Variants in MAP2K2 observed in about 807,000 individuals in gnomAD.
MAP2K2 encodes the protein dual specificity mitogen-activated protein kinase kinase 2.
A neutral mutation model predicts 43.7 loss-of-function variants in MAP2K2; 24 were observed. The ratio of observed to expected loss-of-function variants is 0.55; its 90% CI spans 0.40 to 0.77. The LOEUF (loss-of-function observed/expected upper bound fraction) is 0.77, where lower values mean the gene tolerates loss of function less well. Among genes scored for constraint, MAP2K2 ranks in the 30% least tolerant of loss-of-function variants. The pLI, the probability that MAP2K2 is intolerant of heterozygous loss-of-function variation, is 0.00. For missense variants in MAP2K2, 470 were observed against 566.8 expected, an observed-to-expected ratio of 0.83 and a Z score of 1.73; for synonymous variants, 244 against 239.7, an observed-to-expected ratio of 1.02 and a Z score of -0.17.
In MAP2K2 at chr19:4,114,059, G is replaced by A. The variant is rs563416904; in HGVS notation, c.303+3360C>T. ...TGTAATTCCAGTGCTTTGGGAGGCT[G>A]AGGCGGGAGGATCGCTTCAGGCCAG... On this transcript the variant is annotated intron_variant, in intron 2 of 10. Transcript: ENST00000262948. 2.6e-5 allele frequency among the ~76,000 whole-genome samples: 4 copies of A among 152,350 alleles called. No individual in the cohort carries two copies. In the South Asian group the frequency reaches 8.3e-4, roughly 32 times the overall value.
intron 3 of MAP2K2, chr19:4,102,715 C>T (rs763536058): frequency 2.4e-6 from 3 of 1,238,590 alleles, no homozygotes; most frequent in East Asian, 3.0e-5. Flanking sequence ...TTGCGTGACT[C>T]GGCCCTCCTG....
chr19:4,107,747 A>G (rs1310168499), intron 3 of MAP2K2, among the ~76,000 whole-genome samples: 4 of 152,026 alleles, frequency 2.6e-5, no homozygotes, highest in African/African-American at 4.8e-5. Context: ...AATGCAAAAT[A>G]AAGATGACAT....
At chr19:4,093,222 G>A (rs932063966) in intron 10 of MAP2K2, among the ~76,000 whole-genome samples, 2 of 150,726 alleles carry the variant, frequency 1.3e-5, no homozygotes, top group African/African-American at 5.0e-5. Context: ...TCATCTTTGC[G>A]GGGAAAAACA....
In MAP2K2 at chr19:4,101,415, G is replaced by A. The variant is rs2041009521; in HGVS notation, c.529-135C>T. The A allele has an allele frequency of 3.1e-6, 3 of 965,516 alleles. No homozygotes were observed. The South Asian group carries it at 4.2e-5, about 13-fold the overall frequency. 59.8% of individuals were successfully genotyped at this position (965,516 alleles called of 1,614,324 possible). A position where few individuals can be genotyped will look rare whatever the true frequency, so the allele number is the denominator to read the frequency against. On this transcript the variant is annotated intron_variant, in intron 4 of 10. Transcript: ENST00000262948. The surrounding 1 kb of genome is among the most constrained non-coding windows in gnomAD (Gnocchi z 6.3). ...CAGGAACCATTTCAGGCTGTGAGGA[G>A]CTCGCTGGGGTGGAGCAAGCGAGGC...
At chr19:4,113,225 G>A (rs898829631) in intron 2 of MAP2K2, among the ~76,000 whole-genome samples, 1 of 152,208 alleles carries the variant, frequency 6.6e-6, no homozygotes, top group East Asian at 1.9e-4. Flanking sequence ...GTGAAATGAG[G>A]CCGTCGGAAG....
In MAP2K2 at chr19:4,099,328, C is replaced by T. The variant is rs2145050181; in HGVS notation, c.792G>A (p.Arg264=). The T allele has an allele frequency of 6.2e-7, 1 of 1,609,686 alleles. No homozygotes were observed. Among genetic ancestry groups the T allele is most frequent in the Non-Finnish European group, 8.5e-7 (1 of 1,178,378 alleles). The change falls in exon 7 of 11, where the codon AGG becomes AGA. Residue 264 remains arginine (R), a synonymous_variant. Transcript: ENST00000262948. ...TGGCGTCGGGCGGGGGGATGGGGTA[C>T]CTTCCGACGGCCAGCTCCACCAGGG... ...GLSLVELAVG[R]YPIPPPDAKE...
chr19:4,117,361 T>C (rs2145079389), intron 2 of MAP2K2, 58 bp downstream of exon 2: 3 of 1,542,864 alleles, frequency 1.9e-6, no homozygotes, highest in Non-Finnish European at 2.7e-6. Flanking sequence ...ACCTGCCTCC[T>C]GTTTCCAGGG....
At chr19:4,100,056 C>T (rs1226908927) in intron 6 of MAP2K2, 1 of 154,608 alleles carries the variant, frequency 6.5e-6, no homozygotes, top group Non-Finnish European at 1.4e-5. Context: ...ACCATCCTGG[C>T]TGACATGGTG....
rs2040843435 is a variant in MAP2K2, at chr19:4,090,414, C to T, written c.*184G>A. 10 of 641,288 alleles carry T rather than the reference C, an allele frequency of 1.6e-5. No individual in the cohort carries two copies. The highest frequency in any genetic ancestry group is 7.0e-5 in the South Asian group (4 of 56,972). 39.7% of individuals were successfully genotyped at this position (641,288 alleles called of 1,614,324 possible). On this transcript the variant is annotated 3_prime_UTR_variant, in exon 11 of 11. Coordinates refer to ENST00000262948, the MANE Select transcript of MAP2K2 (RefSeq NM_030662.4). ...GCGTCGCCCGTCCCCAGAGGCACCC[C>T]GGCCAGGACGGGCAGGAGAGGAGAC...
intron 6 of MAP2K2, chr19:4,100,214 C>T (rs1405534084): frequency 6.6e-6 from 1 of 152,116 alleles, no homozygotes; most frequent in Non-Finnish European, 1.5e-5. Flanking sequence ...CCACTGCACT[C>T]CAGCCTGGGT....
At chr19:4,110,371 G>C (rs529817882) in intron 3 of MAP2K2, 138 bp downstream of exon 3, 87 of 1,022,330 alleles carry the variant, frequency 8.5e-5, no homozygotes, top group Non-Finnish European at 1.2e-4. Flanking sequence ...GTATGGCATC[G>C]ACTGCCTTGA....
intron 7 of MAP2K2, among the ~76,000 whole-genome samples, chr19:4,098,355 G>A (rs188739351): frequency 1.6e-4 from 24 of 152,310 alleles, no homozygotes; most frequent in African/African-American, 4.6e-4. Flanking sequence ...GTGATGGGGC[G>A]CAGCACTGTG....
chr19:4,120,227 G>A (rs1182421245), intron 1 of MAP2K2, among the ~76,000 whole-genome samples: 1 of 152,236 alleles, frequency 6.6e-6, no homozygotes, highest in Non-Finnish European at 1.5e-5. Context: ...CAAGGACCCA[G>A]AAGAAGCAGA....
chr19:4,092,931 G>A (rs545326254), intron 10 of MAP2K2, among the ~76,000 whole-genome samples: 33 of 152,202 alleles, frequency 2.2e-4, no homozygotes, highest in African/African-American at 7.7e-4. Flanking sequence ...TGGGCAGGTC[G>A]GGCACGGTGG....
Position 4,099,166 on chromosome 19 carries a change from G to A in MAP2K2, c.919+35C>T, listed in dbSNP as rs576636919. ...CAGCAGGCCCCGCGCAGGGCACTGCGCGTCCAGACCGGAAGTTGCAGATTC... is the reference window on the plus strand; with the variant it reads ...CAGCAGGCCCCGCGCAGGGCACTGCACGTCCAGACCGGAAGTTGCAGATTC... On this transcript the variant is annotated intron_variant, in intron 7 of 10. Transcript: ENST00000262948. 35 of 1,560,070 alleles carry A rather than the reference G, an allele frequency of 2.2e-5. No individual in the cohort carries two copies. In the African/African-American group the frequency reaches 3.1e-4, roughly 14 times the overall value.
chr19:4,106,607 C>T (rs909953992), intron 3 of MAP2K2, among the ~76,000 whole-genome samples: 10 of 152,018 alleles, frequency 6.6e-5, no homozygotes, highest in Admixed American at 2.6e-4. Flanking sequence ...GGGGTTTCAC[C>T]ATGTTGGCCA....
chr19:4,112,193 C>T (rs1266356398), intron 2 of MAP2K2, among the ~76,000 whole-genome samples: 3 of 152,228 alleles, frequency 2.0e-5, no homozygotes, highest in African/African-American at 7.2e-5. Flanking sequence ...GGCCCAGGTG[C>T]AGTCAGTGAA....
intron 3 of MAP2K2, 156 bp from the exon 4 acceptor site, chr19:4,102,609 C>T (rs1568254993): frequency 3.4e-6 from 3 of 887,952 alleles, no homozygotes; most frequent in Non-Finnish European, 3.6e-6. Flanking sequence ...AGGGCGTCTT[C>T]TGACAGTTCT....
chr19:4,116,398 C>A (rs1481328732), intron 2 of MAP2K2, among the ~76,000 whole-genome samples: 1 of 152,068 alleles, frequency 6.6e-6, no homozygotes, highest in Non-Finnish European at 1.5e-5. Flanking sequence ...GGTGTGGTGG[C>A]ATGCACCTGT....
Sources: allele counts gnomAD v4.1 joint callset (sites outside exome capture counted in the v4.1 genomes callset), GRCh38; gene constraint gnomAD v4.1.1; non-coding constraint Gnocchi (gnomAD v3.1); transcripts MANE v1.5; gene names NCBI Gene and HGNC (gene_info 2026-07-23, HGNC 2026-07-21).